PLXNA3: variants seen among roughly 807,000 people sequenced by gnomAD.
PLXNA3 encodes the protein plexin-A3.
A neutral mutation model predicts 118.8 loss-of-function variants in PLXNA3; 52 were observed. The ratio of observed to expected loss-of-function variants is 0.44; its 90% CI spans 0.35 to 0.55. The LOEUF (loss-of-function observed/expected upper bound fraction) is 0.55. Among genes scored for constraint, PLXNA3 ranks in the 20% least tolerant of loss-of-function variants. The probability of loss-of-function intolerance (pLI) is 0.01; values close to 1 mark genes in which losing one functional copy is unlikely to be tolerated. For synonymous variants in PLXNA3, 925 were observed against 762.4 expected (o/e 1.21, Z -3.51); for missense variants, 1,660 against 1,730.8 (o/e 0.96, Z 0.73).
In PLXNA3 at chrX:154,460,355, C is replaced by G. The variant is rs147019078; in HGVS notation, c.172C>G (p.Pro58Ala). The G allele has an allele frequency of 1.6e-5, 19 of 1,211,072 alleles. No homozygotes were observed. The highest frequency in any genetic ancestry group is 5.3e-5 in the South Asian group (3 of 56,978). Residue 58 changes from proline (P) to alanine (A), a missense_variant, in exon 2 of 33, where the codon CCC becomes GCC. Pro to Ala is a conservative substitution (Grantham distance 27). Coordinates refer to ENST00000369682, the MANE Select transcript of PLXNA3 (RefSeq NM_017514.5). ...GAVNRVFKLA[P>A]NLTELRAHVT... ...AGTGAACCGAGTCTTTAAGCTGGCC[C>G]CCAACCTGACTGAGCTGCGGGCCCA...
intron 2 of PLXNA3, 100 bp from the exon 3 acceptor site, chrX:154,460,999 G>C (rs967300219): frequency 6.1e-6 from 5 of 820,859 alleles, no homozygotes; most frequent in Non-Finnish European, 8.7e-6. Flanking sequence ...GGGCCTCTGT[G>C]ATCATCCAGG....
chrX:154,460,612 G>A lies in PLXNA3; in HGVS notation c.429G>A (p.Ser143=), dbSNP rs782524860. 30 of 1,191,487 alleles carry A rather than the reference G, an allele frequency of 2.5e-5. No individual in the cohort carries two copies. The highest frequency in any genetic ancestry group is 2.0e-4 in the Admixed American group (9 of 44,162). ...EPHHRKEHYL[S]GAQEPDSMAG... The stretch of plus-strand genomic sequence containing the variant: ...ACCACCGCAAGGAGCACTACCTGTC[G>A]GGGGCCCAGGAGCCCGACTCCATGG... The change falls in exon 2 of 33, where the codon TCG becomes TCA. Residue 143 remains serine, a synonymous_variant. Coordinates refer to ENST00000369682, the MANE Select transcript of PLXNA3 (RefSeq NM_017514.5).
Position 154,467,527 on chromosome X carries a change from G to A in PLXNA3, c.3442-18G>A. ...GGAAAGTGGAGAGTCCTGGGCTGAAGTTGTCCTCCACCCCCAGGGCAAGAA... is the reference window on the plus strand; with the variant it reads ...GGAAAGTGGAGAGTCCTGGGCTGAAATTGTCCTCCACCCCCAGGGCAAGAA... On this transcript the variant is annotated intron_variant, in intron 19 of 32. Transcript: ENST00000369682. 6.8e-6 allele frequency: 8 copies of A among 1,168,082 alleles called. No individual in the cohort carries two copies. The South Asian group carries it at 1.5e-4, about 22-fold the overall frequency.
Position 154,470,719 on chromosome X carries a change from G to A in PLXNA3, c.5156+108G>A. ...CCTGGAGTAGCATCCAGGCAGGAGG[G>A]AATGAGGCCTGGCCTGGGGTTGACA... On this transcript the variant is annotated intron_variant, in intron 30 of 32. Transcript: ENST00000369682. 5 of 767,360 alleles carry A rather than the reference G, an allele frequency of 6.5e-6. No individual in the cohort carries two copies. The South Asian group carries it at 9.7e-5, about 15-fold the overall frequency. The allele number at this position is 767,360 out of a possible 1,213,427, so 63.2% of individuals were successfully genotyped here.
Position 154,460,756 on chromosome X carries a change from C to A in PLXNA3, c.573C>A (p.Asp191Glu). The change falls in exon 2 of 33, where the codon GAC (aspartate) becomes GAA (glutamate). Residue 191 changes from aspartate to glutamate, a missense_variant. Asp to Glu is a conservative substitution (Grantham distance 45). Coordinates refer to ENST00000369682, the MANE Select transcript of PLXNA3 (RefSeq NM_017514.5). ...CCCGCAAGCTCATCAGTGATGAAGA[C>A]AGCGCGGACATGTTCAGTCTCGTGC... ...LSSRKLISDE[D>E]SADMFSLVYQ... 8.9e-7 allele frequency: 1 copy of A among 1,121,127 alleles called. No individual in the cohort carries two copies. Among genetic ancestry groups the A allele is most frequent in the Non-Finnish European group, 1.2e-6 (1 of 854,283 alleles). The allele number at this position is 1,121,127 out of a possible 1,213,427, so 92.4% of individuals were successfully genotyped here.
chrX:154,464,377 C>A, intron 8 of PLXNA3, 25 bp from the exon 9 acceptor site: 1 of 1,204,262 alleles, frequency 8.3e-7, no homozygotes, highest in Non-Finnish European at 1.1e-6. Context: ...CCAGCGAGTT[C>A]ACGGCCACCC....
Position 154,466,436 on chromosome X carries a change from A to G in PLXNA3, c.2860A>G (p.Thr954Ala). The G allele has an allele frequency of 8.3e-7, 1 of 1,210,935 alleles. No individual in the cohort carries two copies. The highest frequency in any genetic ancestry group is 1.1e-6 in the Non-Finnish European group (1 of 895,169). ...CCCGGCGTCCGGGGGCACACGGCTT[A>G]CCATCTCAGGCAGCTCTCTGGATGC... ...RGPASGGTRL[T>A]ISGSSLDAGS... Residue 954 changes from threonine (T) to alanine (A), a missense_variant, in exon 16 of 33, where the codon ACC (threonine) becomes GCC (alanine). Thr to Ala is a moderately conservative substitution (Grantham distance 58, BLOSUM62 0). Around this residue, in one of 2 missense-constraint regions of PLXNA3, gnomAD observed 869 missense variants for 1,078.7 expected, o/e 0.81. Coordinates refer to ENST00000369682, the MANE Select transcript of PLXNA3 (RefSeq NM_017514.5).
chrX:154,461,105 C>G lies in PLXNA3; in HGVS notation c.601C>G (p.Gln201Glu). 8.4e-7 allele frequency: 1 copy of G among 1,196,146 alleles called. No individual in the cohort carries two copies. Among genetic ancestry groups the G allele is most frequent in the Non-Finnish European group, 1.1e-6 (1 of 884,268 alleles). ...DSADMFSLVY[Q>E]DEFVSSQIKI... The stretch of plus-strand genomic sequence containing the variant: ...TCCTCCCCCTGCTCCCCAGGTGTAC[C>G]AGGATGAGTTTGTGTCCTCCCAGAT... The change falls in exon 3 of 33, where the codon CAG becomes GAG. Residue 201 changes from glutamine to glutamate, a missense_variant. Transcript: ENST00000369682.
Position 154,460,683 on chromosome X carries a change from T to C in PLXNA3, c.500T>C (p.Val167Ala). The change falls in exon 2 of 33, where the codon GTG (valine) becomes GCG (alanine). Residue 167 changes from valine (V) to alanine (A), a missense_variant. This residue lies in a region of PLXNA3 where 791 missense variants were observed against 652.1 expected (regional missense o/e 1.21). Coordinates refer to ENST00000369682, the MANE Select transcript of PLXNA3 (RefSeq NM_017514.5). ...EQGQGPSKLF[V>A]GTAVDGKSEY... ...GGCCAGGGGCCCAGCAAGCTGTTTG[T>C]GGGCACTGCTGTCGACGGCAAGTCG... 8.6e-7 allele frequency: 1 copy of C among 1,157,099 alleles called. No individual in the cohort carries two copies. The highest frequency in any genetic ancestry group is 2.7e-5 in the Admixed American group (1 of 37,484).
intron 4 of PLXNA3, 26 bp downstream of exon 4, chrX:154,462,336 G>C (rs879960834): frequency 9.2e-7 from 1 of 1,087,866 alleles, no homozygotes; most frequent in Non-Finnish European, 1.2e-6. Context: ...CTGGGCATGT[G>C]GGGGTGGGGA....
intron 1 of PLXNA3, among the ~76,000 whole-genome samples, chrX:154,459,373 C>G (rs1322336592): frequency 1.8e-5 from 2 of 111,788 alleles, no homozygotes; most frequent in African/African-American, 6.5e-5. Flanking sequence ...TCTCCAAGGC[C>G]TTGACTGTAT....
rs1222579898 is a variant in PLXNA3 at position 154,474,667 on chromosome X, CG to C, written c.*1986del. The C allele has an allele frequency of 2.9e-5, 3 of 103,972 alleles. No homozygotes were observed. Among genetic ancestry groups the C allele is most frequent in the African/African-American group, 1.1e-4 (3 of 28,254 alleles). The allele number at this position is 103,972 out of a possible 1,213,427, so 8.6% of individuals were successfully genotyped here. A position where few individuals can be genotyped will look rare whatever the true frequency, so the allele number is the denominator to read the frequency against. On this transcript the variant is annotated 3_prime_UTR_variant, in exon 33 of 33. Coordinates refer to ENST00000369682, the MANE Select transcript of PLXNA3 (RefSeq NM_017514.5). ...TAATTTTTTGTATTTTTAGTAGAGA[CG>C]GGGTTTTACTGTGTTAGCCAGGATG...
rs1412588634 is a variant in PLXNA3, at chrX:154,473,049, T to G, written c.*364T>G. On this transcript the variant is annotated 3_prime_UTR_variant, in exon 33 of 33. Coordinates refer to ENST00000369682, the MANE Select transcript of PLXNA3 (RefSeq NM_017514.5). The stretch of plus-strand genomic sequence containing the variant: ...TGTAAATATGTGTCCCCCCACCGGA[T>G]GTCGCCACCCTCACTCACCTGCCTC... The G allele has an allele frequency of 6.8e-6, 1 of 146,942 alleles. No homozygotes were observed. The highest frequency in any genetic ancestry group is 7.4e-5 in the Admixed American group (1 of 13,588). 12.1% of individuals were successfully genotyped at this position (146,942 alleles called of 1,213,427 possible). A position where few individuals can be genotyped will look rare whatever the true frequency, so the allele number is the denominator to read the frequency against.
intron 2 of PLXNA3, 122 bp from the exon 3 acceptor site, chrX:154,460,977 C>T: frequency 1.4e-6 from 1 of 726,446 alleles, no homozygotes; most frequent in Non-Finnish European, 2.0e-6. Flanking sequence ...CCCTCTGCAG[C>T]CTTTCTGGCC....
intron 3 of PLXNA3, 134 bp downstream of exon 3, chrX:154,461,772 G>A: frequency 1.6e-6 from 1 of 619,221 alleles, no homozygotes; most frequent in East Asian, 3.4e-5. Context: ...CCTCCCACCT[G>A]TTTCTCCCTC....
intron 2 of PLXNA3, 78 bp from the exon 3 acceptor site, chrX:154,461,021 T>A: frequency 1.1e-6 from 1 of 920,450 alleles, no homozygotes; most frequent in Non-Finnish European, 1.5e-6. Flanking sequence ...GGGAGGGGGA[T>A]GCAGAGGGAA....
At chrX:154,469,006 C>T in intron 25 of PLXNA3, 37 bp downstream of exon 25, 1 of 1,209,817 alleles carries the variant, frequency 8.3e-7, no homozygotes, top group South Asian at 1.8e-5. Flanking sequence ...GGTAGGGGTG[C>T]AGAGAGAGGC....
Position 154,467,757 on chromosome X carries a change from G to A in PLXNA3, c.3586-10G>A, listed in dbSNP as rs1557207808. 1 of 1,199,472 alleles carries A rather than the reference G, an allele frequency of 8.3e-7. No individual in the cohort carries two copies. The highest frequency in any genetic ancestry group is 3.0e-5 in the East Asian group (1 of 33,707). ...GTGGTGGTCAGCTCACCTCAGGCCTGTCCCCACAGGTGCTGGTGGGTGGCC... is the reference window on the plus strand; with the variant it reads ...GTGGTGGTCAGCTCACCTCAGGCCTATCCCCACAGGTGCTGGTGGGTGGCC... On this transcript the variant is annotated splice_polypyrimidine_tract_variant and intron_variant, in intron 20 of 32. Coordinates refer to ENST00000369682, the MANE Select transcript of PLXNA3 (RefSeq NM_017514.5).
At chrX:154,470,874 G>A (rs1569554745) in intron 30 of PLXNA3, 5 of 445,090 alleles carry the variant, frequency 1.1e-5, no homozygotes, top group South Asian at 6.7e-5. Context: ...GCTGGTGGTC[G>A]GTCGCAGGTG....
Sources: gnomAD v4.1 joint callset for allele counts (sites outside exome capture counted in the v4.1 genomes callset) on GRCh38, gnomAD v4.1.1 for gene constraint, gnomAD v4.1.1 regional missense constraint, MANE v1.5 for transcripts, NCBI Gene and HGNC (gene_info 2026-07-23, HGNC 2026-07-21) for gene names.